Variants in PPP2R2B observed in about 807,000 individuals in gnomAD.
PPP2R2B encodes protein phosphatase 2 regulatory subunit Bbeta.
A neutral mutation model predicts 46.0 loss-of-function variants in PPP2R2B; 5 were observed. The ratio of observed to expected loss-of-function variants is 0.11; its 90% CI spans 0.06 to 0.23. The LOEUF (loss-of-function observed/expected upper bound fraction) is 0.23, where lower values mean the gene tolerates loss of function less well. Ranked by LOEUF, PPP2R2B falls within the 10% of genes least tolerant of loss-of-function variation. The pLI is 1.00. For missense variants in PPP2R2B, 367 were observed against 575.0 expected (o/e 0.64, Z 3.70); for synonymous variants, 215 against 206.7 (o/e 1.04, Z -0.34).
chr5:146,694,425 C>T (rs1421501208), intron 4 of PPP2R2B, among the ~76,000 whole-genome samples: 1 of 151,996 alleles, frequency 6.6e-6, no homozygotes, highest in African/African-American at 2.4e-5. Context: ...TTTTTTGTTG[C>T]GTGGCTTTGG....
intron 2 of PPP2R2B, among the ~76,000 whole-genome samples, chr5:146,824,655 GA>G (rs1268748790): frequency 4.6e-5 from 7 of 151,750 alleles, no homozygotes; most frequent in Non-Finnish European, 7.4e-5. Flanking sequence ...AACAGAGATA[GA>G]AAGAAAACTG....
chr5:146,736,127 A>T (rs1011361491), intron 2 of PPP2R2B, among the ~76,000 whole-genome samples: 36 of 152,090 alleles, frequency 2.4e-4, no homozygotes, highest in African/African-American at 8.2e-4. Flanking sequence ...TTTCATAAGC[A>T]GCTTTTCCCT....
In PPP2R2B at chr5:146,878,201, G is replaced by A. The variant is rs1357358970; in HGVS notation, c.-124-6C>T. ...GACTGCACCATGGTCCGAGCCTGAG[G>A]AGGAGACGGGGAGGCGGAGAGAAAA... On this transcript the variant is annotated splice_polypyrimidine_tract_variant and splice_region_variant and intron_variant, in intron 1 of 9. Transcript: ENST00000394411. This position sits in a 1 kb window ranked among gnomAD's most constrained non-coding sequence, Gnocchi z 4.5. 3 of 1,575,332 alleles carry A rather than the reference G, an allele frequency of 1.9e-6. No individual in the cohort carries two copies. The highest frequency in any genetic ancestry group is 1.9e-5 in the Admixed American group (1 of 52,860).
At chr5:146,605,047 C>A (rs1772135299) in intron 7 of PPP2R2B, among the ~76,000 whole-genome samples, 1 of 152,170 alleles carries the variant, frequency 6.6e-6, no homozygotes, top group Non-Finnish European at 1.5e-5. Flanking sequence ...CAAGTCCAGG[C>A]TGGCTTTTGA....
intron 3 of PPP2R2B, 65 bp downstream of exon 3, chr5:146,700,980 G>T: frequency 7.2e-7 from 1 of 1,390,074 alleles, no homozygotes; most frequent in South Asian, 1.2e-5. Context: ...TAAGGATTAA[G>T]GAACAGTAGG....
intron 8 of PPP2R2B, among the ~76,000 whole-genome samples, chr5:146,598,937 G>C (rs773328050): frequency 8.5e-5 from 13 of 152,248 alleles, no homozygotes; most frequent in Admixed American, 3.9e-4. Flanking sequence ...AGTAAACTAA[G>C]ATCATTGAAT....
intron 1 of PPP2R2B, among the ~76,000 whole-genome samples, chr5:146,936,357 C>T (rs1270011331): frequency 6.6e-6 from 1 of 151,986 alleles, no homozygotes; most frequent in East Asian, 1.9e-4. Context: ...GATCATCCCA[C>T]TCCCCCTCTG....
intron 1 of PPP2R2B, among the ~76,000 whole-genome samples, chr5:146,903,391 CTTTT>C (rs58777308): frequency 0.023 from 2,724 of 120,796 alleles, 90 homozygotes; most frequent in African/African-American, 0.077. Flanking sequence ...CTTTCTTTCT[CTTTT>C]TTTTTTTTTT....
chr5:146,980,748 A>G (rs1274328291), intron 1 of PPP2R2B, among the ~76,000 whole-genome samples: 2 of 152,124 alleles, frequency 1.3e-5, no homozygotes, highest in African/African-American at 4.8e-5. Context: ...ATATGTTGTC[A>G]ATTTTTGGAA....
intron 2 of PPP2R2B, among the ~76,000 whole-genome samples, chr5:146,745,736 G>T (rs1234575657): frequency 6.6e-6 from 1 of 152,090 alleles, no homozygotes; most frequent in East Asian, 1.9e-4. Context: ...AAGGTGGGTG[G>T]ATCACAAGGT....
At chr5:146,985,577 C>T (rs28813131) in intron 1 of PPP2R2B, among the ~76,000 whole-genome samples, 34,848 of 151,980 alleles carry the variant, frequency 0.23, 4,301 homozygotes, top group East Asian at 0.3. Context: ...GAGTCAACAC[C>T]ATAAAGGCCA....
intron 2 of PPP2R2B, among the ~76,000 whole-genome samples, chr5:146,771,691 C>T (rs1402583866): frequency 6.6e-6 from 1 of 152,172 alleles, no homozygotes; most frequent in African/African-American, 2.4e-5. Context: ...GCTTCTCTTG[C>T]TATGACAGAC....
intron 2 of PPP2R2B, among the ~76,000 whole-genome samples, chr5:146,868,161 T>C (rs1410319217): frequency 6.6e-6 from 1 of 152,240 alleles, no homozygotes. Flanking sequence ...CAGGACTGTC[T>C]CCAGCATTCA....
chr5:146,930,722 G>C (rs1763941199), intron 1 of PPP2R2B, among the ~76,000 whole-genome samples: 1 of 152,188 alleles, frequency 6.6e-6, no homozygotes, highest in Admixed American at 6.5e-5. Context: ...GGGACTCATT[G>C]ACATTGTGGT....
intron 2 of PPP2R2B, among the ~76,000 whole-genome samples, chr5:146,818,277 G>A (rs1463087401): frequency 1.3e-5 from 2 of 151,630 alleles, no homozygotes; most frequent in African/African-American, 4.9e-5. Flanking sequence ...TGGCACATAA[G>A]ACAGCCAAAC....
chr5:146,971,005 T>C (rs1363400653), intron 1 of PPP2R2B, among the ~76,000 whole-genome samples: 4 of 152,194 alleles, frequency 2.6e-5, no homozygotes, highest in Non-Finnish European at 5.9e-5. Context: ...CTTCGAAACA[T>C]TTTTCAAAGT....
intron 2 of PPP2R2B, among the ~76,000 whole-genome samples, chr5:146,781,086 C>A (rs750625812): frequency 4.8e-4 from 62 of 130,418 alleles, no homozygotes; most frequent in Non-Finnish European, 2.9e-4. Context: ...ACTATGTTAA[C>A]TTCTTCCTAT....
intron 1 of PPP2R2B, among the ~76,000 whole-genome samples, chr5:146,901,572 C>T (rs1353547317): frequency 1.3e-5 from 2 of 152,196 alleles, no homozygotes; most frequent in Non-Finnish European, 1.5e-5. Flanking sequence ...TCTGTTGAAT[C>T]TCATTCATAA....
chr5:146,790,081 C>A (rs1756097200), intron 2 of PPP2R2B, among the ~76,000 whole-genome samples: 1 of 152,290 alleles, frequency 6.6e-6, no homozygotes, highest in African/African-American at 2.4e-5. Flanking sequence ...CTCCAGGGGG[C>A]AGGAAATAAT....
Sources: gnomAD v4.1 joint callset for allele counts (sites outside exome capture counted in the v4.1 genomes callset) on GRCh38, gnomAD v4.1.1 for gene constraint, Gnocchi (gnomAD v3.1) non-coding constraint, MANE v1.5 for transcripts, NCBI Gene and HGNC (gene_info 2026-07-23, HGNC 2026-07-21) for gene names.